FCHO2: variants seen among roughly 807,000 people sequenced by gnomAD.
The protein encoded by FCHO2 is F-BAR domain only protein 2.
Under a neutral mutation model 114.1 loss-of-function variants are expected in FCHO2, and 43 were observed. The observed-to-expected ratio is 0.38, with a 90% CI of 0.30 to 0.49. The LOEUF (loss-of-function observed/expected upper bound fraction) is 0.49, where lower values mean the gene tolerates loss of function less well. FCHO2 is among the 20% of genes least tolerant of loss of function. The pLI is 0.97. For missense variants in FCHO2, 807 were observed against 950.4 expected (o/e 0.85, Z 1.98); for synonymous variants, 293 against 315.2 (o/e 0.93, Z 0.75).
chr5:72,978,126 T>C (rs1282475729), intron 2 of FCHO2, among the ~76,000 whole-genome samples: 1 of 152,190 alleles, frequency 6.6e-6, no homozygotes, highest in Non-Finnish European at 1.5e-5. Context: ...TTCAAAGTAG[T>C]TTTTTCTAAT....
intron 11 of FCHO2, among the ~76,000 whole-genome samples, chr5:73,041,907 C>T (rs945168637): frequency 6.6e-6 from 1 of 152,078 alleles, no homozygotes; most frequent in Non-Finnish European, 1.5e-5. Flanking sequence ...TGTAGACAGA[C>T]ATATTTTTCA....
intron 19 of FCHO2, among the ~76,000 whole-genome samples, chr5:73,069,623 G>C (rs147562084): frequency 2.0e-5 from 3 of 151,970 alleles, no homozygotes; most frequent in African/African-American, 4.8e-5. Flanking sequence ...GTGATGGGGT[G>C]GGGGGCGGTT....
At chr5:72,957,902 T>C (rs779461337) in intron 1 of FCHO2, among the ~76,000 whole-genome samples, 3 of 152,212 alleles carry the variant, frequency 2.0e-5, no homozygotes, top group Non-Finnish European at 4.4e-5. Context: ...TTATTGTGGT[T>C]CGATTTGCGT....
At chr5:73,063,974 T>C (rs1020729130) in intron 18 of FCHO2, 30 bp downstream of exon 18, 2 of 1,538,850 alleles carry the variant, frequency 1.3e-6, no homozygotes, top group African/African-American at 2.7e-5. Context: ...AAAAATTATT[T>C]AACTGTTTTG....
At chr5:73,077,667 C>CA (rs1230714259) in intron 21 of FCHO2, among the ~76,000 whole-genome samples, 174 bp downstream of exon 21, 4 of 151,058 alleles carry the variant, frequency 2.6e-5, no homozygotes, top group Admixed American at 6.6e-5. Flanking sequence ...CCATCTCTAC[C>CA]AAAAAAACAA....
chr5:72,999,613 C>T (rs1754321275), intron 5 of FCHO2, among the ~76,000 whole-genome samples: 2 of 151,910 alleles, frequency 1.3e-5, no homozygotes, highest in Middle Eastern at 3.4e-3. Context: ...GAACTTCTGA[C>T]CTCAGGTGAT....
At chr5:72,988,748 G>T (rs1048285885) in intron 2 of FCHO2, among the ~76,000 whole-genome samples, 3 of 152,128 alleles carry the variant, frequency 2.0e-5, no homozygotes, top group Non-Finnish European at 2.9e-5. Flanking sequence ...TCACAGTGTT[G>T]AAGAATAATA....
chr5:72,990,160 A>G, intron 3 of FCHO2, among the ~76,000 whole-genome samples: 1 of 150,300 alleles, frequency 6.7e-6, no homozygotes, highest in South Asian at 2.1e-4. Flanking sequence ...TTTTAACAAT[A>G]GACAGTGATA....
Position 72,956,223 on chromosome 5 carries a change from C to CT in FCHO2, c.33+94_33+95insT. On this transcript the variant is annotated intron_variant, in intron 1 of 25. Coordinates refer to ENST00000430046, the MANE Select transcript of FCHO2 (RefSeq NM_138782.3). ...GTGCGCTTCGGGCGGCGGCGGCGGCCCCTCCGGCAGGGCGAGCGTCCTCCT... is the reference window on the plus strand; with the variant it reads ...GTGCGCTTCGGGCGGCGGCGGCGGCCTCCTCCGGCAGGGCGAGCGTCCTCCT... 4 of 1,332,164 alleles carry CT rather than the reference C, an allele frequency of 3.0e-6. No individual in the cohort carries two copies. In the South Asian group the frequency reaches 5.2e-5, roughly 17 times the overall value. 82.5% of individuals were successfully genotyped at this position (1,332,164 alleles called of 1,614,324 possible).
intron 8 of FCHO2, among the ~76,000 whole-genome samples, chr5:73,032,735 C>A (rs1360454649): frequency 2.0e-5 from 3 of 152,040 alleles, no homozygotes; most frequent in Non-Finnish European, 4.4e-5. Context: ...AAGCGTGTGG[C>A]CTGAGCATTA....
At chr5:72,997,653 TC>T (rs1754195991) in intron 5 of FCHO2, 1 of 1,504,576 alleles carries the variant, frequency 6.6e-7, no homozygotes, top group Admixed American at 1.7e-5. Context: ...TGACAGCTGC[TC>T]CCCCTTCACC....
intron 5 of FCHO2, among the ~76,000 whole-genome samples, chr5:72,996,461 T>C (rs2112684725): frequency 6.6e-6 from 1 of 152,124 alleles, no homozygotes; most frequent in Middle Eastern, 3.4e-3. Context: ...ATGTGTAGAA[T>C]TTGATGCCTT....
At chr5:73,049,020 G>C (rs898891883) in intron 11 of FCHO2, among the ~76,000 whole-genome samples, 1 of 151,080 alleles carries the variant, frequency 6.6e-6, no homozygotes, top group South Asian at 2.1e-4. Flanking sequence ...GGGACTACAG[G>C]CGCCCGCTAC....
At chr5:73,085,844 G>C (rs1270183695) in intron 24 of FCHO2, among the ~76,000 whole-genome samples, 1 of 151,210 alleles carries the variant, frequency 6.6e-6, no homozygotes, top group African/African-American at 2.4e-5. Context: ...TGTAAAATAG[G>C]CTGGGCACGG....
rs571223757 is a variant in FCHO2 at position 72,997,850 on chromosome 5, C to T, written c.495+6986C>T. Among the ~76,000 whole-genome samples, 46 of 152,314 alleles carry T rather than the reference C, an allele frequency of 3.0e-4. 1 individual carries two copies. In the South Asian group the frequency reaches 8.3e-3, roughly 27 times the overall value. ...CCCTGAAGCAGCCTCACTCTAACTT[C>T]GTGTTCACACTCCATGTGTGAATGG... On this transcript the variant is annotated intron_variant, in intron 5 of 25. Coordinates refer to ENST00000430046, the MANE Select transcript of FCHO2 (RefSeq NM_138782.3).
intron 19 of FCHO2, 119 bp from the exon 20 acceptor site, chr5:73,074,623 A>G: frequency 1.2e-6 from 1 of 806,004 alleles, no homozygotes; most frequent in Admixed American, 2.6e-5. Context: ...TTATCATGGG[A>G]CATCACTGAA....
intron 15 of FCHO2, among the ~76,000 whole-genome samples, chr5:73,055,424 G>A (rs1222617876): frequency 6.6e-6 from 1 of 152,132 alleles, no homozygotes; most frequent in African/African-American, 2.4e-5. Flanking sequence ...CATTCATCAG[G>A]TATTGCTTGG....
At position 73,087,662 on chromosome 5, in the gene FCHO2, C is replaced by T; in HGVS notation, c.2319C>T (p.Phe773=). The T allele has an allele frequency of 6.2e-7, 1 of 1,613,896 alleles. No homozygotes were observed. Among genetic ancestry groups the T allele is most frequent in the South Asian group, 1.1e-5 (1 of 91,060 alleles). ...PSKPTTLAVQ[F]LSEGSTLSGV... ...AACCCACGACACTTGCAGTACAATT[C>T]CTCAGCGAGGGAAGTACCCTTTCAG... The change falls in exon 25 of 26, where the codon TTC becomes TTT. Residue 773 remains phenylalanine (F), a synonymous_variant. Transcript: ENST00000430046.
intron 5 of FCHO2, among the ~76,000 whole-genome samples, chr5:72,993,591 C>T (rs115504738): frequency 6.6e-6 from 1 of 151,888 alleles, no homozygotes; most frequent in African/African-American, 2.4e-5. Flanking sequence ...CATATGAAAT[C>T]AGAATGCATT....
Sources: allele counts gnomAD v4.1 joint callset (sites outside exome capture counted in the v4.1 genomes callset), GRCh38; gene constraint gnomAD v4.1.1; transcripts MANE v1.5; gene names NCBI Gene and HGNC (gene_info 2026-07-23, HGNC 2026-07-21).